The following SLC6A5 variants were observed in gnomAD, a reference collection of about 807,000 sequenced individuals.
SLC6A5 encodes the protein sodium- and chloride-dependent glycine transporter 2.
Under a neutral mutation model 90.5 loss-of-function variants are expected in SLC6A5, and 58 were observed. The ratio of observed to expected loss-of-function variants is 0.64; its 90% confidence interval spans 0.52 to 0.80. The LOEUF is 0.80. Among genes scored for constraint, SLC6A5 ranks in the 30% least tolerant of loss-of-function variants. The pLI, the probability that SLC6A5 is intolerant of heterozygous loss-of-function variation, is 0.00. For missense variants in SLC6A5, 1,015 were observed against 1,017.6 expected, an observed-to-expected ratio of 1.00 and a Z score of 0.03; for synonymous variants, 427 against 401.4, an observed-to-expected ratio of 1.06 and a Z score of -0.76.
At chr11:20,615,249 G>T (rs557751652) in intron 6 of SLC6A5, among the ~76,000 whole-genome samples, 2 of 152,110 alleles carry the variant, frequency 1.3e-5, no homozygotes, top group Admixed American at 6.5e-5. Context: ...CCTTAGTTTT[G>T]TATTTTTTAA....
Position 20,656,566 on chromosome 11 carries a change from C to A in SLC6A5, c.*1698C>A, listed in dbSNP as rs1253688403. The A allele has an allele frequency of 6.6e-6, 1 of 152,162 alleles. No homozygotes were observed. The highest frequency in any genetic ancestry group is 1.5e-5 in the Non-Finnish European group (1 of 68,034). The allele number at this position is 152,162 out of a possible 1,614,324, so 9.4% of individuals were successfully genotyped here. A position where few individuals can be genotyped will look rare whatever the true frequency, so the allele number is the denominator to read the frequency against. On this transcript the variant is annotated 3_prime_UTR_variant, in exon 16 of 16. Transcript: ENST00000525748. ...AAGTCTCAACTCATTTTACTGAGCT[C>A]TCCCTTTTCTAGGGCAAGTATCATC...
At chr11:20,637,082 A>T (rs897544867) in intron 11 of SLC6A5, 90 bp from the exon 12 acceptor site, 1 of 1,373,996 alleles carries the variant, frequency 7.3e-7, no homozygotes, top group South Asian at 1.2e-5. Flanking sequence ...CACAAATACA[A>T]CTTTCCTGGA....
At chr11:20,626,637 C>A (rs950762741) in intron 7 of SLC6A5, 71 bp from the exon 8 acceptor site, 3 of 1,544,216 alleles carry the variant, frequency 1.9e-6, no homozygotes, top group East Asian at 4.5e-5. Context: ...CTTCCCCGAG[C>A]AATGCTCCTT....
intron 7 of SLC6A5, among the ~76,000 whole-genome samples, chr11:20,621,045 C>G (rs1852879579): frequency 6.6e-6 from 1 of 152,042 alleles, no homozygotes. Context: ...TCAGGTGATC[C>G]CCCTACCTTA....
At chr11:20,618,064 T>C (rs1478965928) in intron 7 of SLC6A5, among the ~76,000 whole-genome samples, 180 bp downstream of exon 7, 1 of 152,136 alleles carries the variant, frequency 6.6e-6, no homozygotes, top group South Asian at 2.1e-4. Flanking sequence ...AATAACACCT[T>C]TCTTGCAGGG....
chr11:20,650,977 C>CT (rs1270275383), intron 14 of SLC6A5, among the ~76,000 whole-genome samples: 1 of 151,634 alleles, frequency 6.6e-6, no homozygotes. Flanking sequence ...GACGCCTGTT[C>CT]TTATTGAGTC....
chr11:20,612,296 G>A (rs1852709363), intron 5 of SLC6A5, among the ~76,000 whole-genome samples: 1 of 152,174 alleles, frequency 6.6e-6, no homozygotes, highest in Admixed American at 6.5e-5. Flanking sequence ...TGCCAGCTGT[G>A]TGCCAGGCAT....
chr11:20,651,199 T>TC (rs1853523865), intron 14 of SLC6A5, among the ~76,000 whole-genome samples: 1 of 94,510 alleles, frequency 1.1e-5, no homozygotes, highest in Admixed American at 1.2e-4. Flanking sequence ...GGGTTTCCCC[T>TC]CCCTCCCCTT....
Position 20,655,027 on chromosome 11 carries a change from T to C in SLC6A5, c.*159T>C. 1 of 823,280 alleles carries C rather than the reference T, an allele frequency of 1.2e-6. No individual in the cohort carries two copies. Among genetic ancestry groups the C allele is most frequent in the Non-Finnish European group, 2.1e-6 (1 of 481,154 alleles). 51.0% of individuals were successfully genotyped at this position (823,280 alleles called of 1,614,324 possible). On this transcript the variant is annotated 3_prime_UTR_variant, in exon 16 of 16. Coordinates refer to ENST00000525748, the MANE Select transcript of SLC6A5 (RefSeq NM_004211.5). ...ATTATGTAGAAAAGTAGGCATAGTG[T>C]CGCATGCTGCAGTAAAGAGCTACAT...
At chr11:20,632,489 T>C (rs950530003) in intron 10 of SLC6A5, among the ~76,000 whole-genome samples, 7 of 152,192 alleles carry the variant, frequency 4.6e-5, no homozygotes, top group African/African-American at 1.7e-4. Context: ...CAATGTTTTT[T>C]CACTTCCTTT....
chr11:20,644,619 GT>G (rs1489890681), intron 13 of SLC6A5, among the ~76,000 whole-genome samples: 16 of 152,126 alleles, frequency 1.1e-4, no homozygotes, highest in Admixed American at 1.0e-3. Context: ...GCTATTTTTA[GT>G]TTTCAGAGGA....
chr11:20,643,424 C>T (rs1413107001), intron 13 of SLC6A5, among the ~76,000 whole-genome samples: 1 of 152,176 alleles, frequency 6.6e-6, no homozygotes, highest in Non-Finnish European at 1.5e-5. Flanking sequence ...ATGATTGGGT[C>T]AGCTGCTCAA....
In SLC6A5 at chr11:20,659,143, T is replaced by C. The variant is rs1270685489; in HGVS notation, c.*4275T>C. 1 of 150,816 alleles carries C rather than the reference T, an allele frequency of 6.6e-6. No homozygotes were observed. Among genetic ancestry groups the C allele is most frequent in the Non-Finnish European group, 1.5e-5 (1 of 67,772 alleles). 9.3% of individuals were successfully genotyped at this position (150,816 alleles called of 1,614,324 possible). On this transcript the variant is annotated 3_prime_UTR_variant, in exon 16 of 16. Transcript: ENST00000525748. ...ATTTAAGAAGTCATTCTTGAGGCCCTACCTCAAATTTTCTATTTATGTATA... is the reference window on the plus strand; with the variant it reads ...ATTTAAGAAGTCATTCTTGAGGCCCCACCTCAAATTTTCTATTTATGTATA...
Position 20,601,551 on chromosome 11 carries a change from G to A in SLC6A5, c.426G>A (p.Glu142=). ...ANVSVGKGTL[E]RNNTPVVGWV... ...TGAGTGTGGGCAAGGGCACCCTGGA[G>A]CGGAACAATACCCCTGTTGTGGGCT... Residue 142 remains glutamate, a synonymous_variant, in exon 2 of 16, where the codon GAG becomes GAA. Transcript: ENST00000525748. 3.1e-6 allele frequency: 5 copies of A among 1,614,214 alleles called. No individual in the cohort carries two copies. Among genetic ancestry groups the A allele is most frequent in the Non-Finnish European group, 4.2e-6 (5 of 1,180,018 alleles).
chr11:20,645,230 C>T (rs1853389855), intron 13 of SLC6A5, among the ~76,000 whole-genome samples: 1 of 152,078 alleles, frequency 6.6e-6, no homozygotes, highest in African/African-American at 2.4e-5. Context: ...TCCATCCTTC[C>T]CCACTTCCAA....
chr11:20,631,070 C>T (rs578017444), intron 10 of SLC6A5, among the ~76,000 whole-genome samples: 1 of 152,340 alleles, frequency 6.6e-6, no homozygotes, highest in African/African-American at 2.4e-5. Context: ...TTCCTCTTAC[C>T]TTGCCCCTCT....
intron 7 of SLC6A5, among the ~76,000 whole-genome samples, chr11:20,620,380 T>C (rs563592539): frequency 6.6e-6 from 1 of 152,358 alleles, no homozygotes; most frequent in East Asian, 1.9e-4. Flanking sequence ...CATTTCCTCA[T>C]CTGTAAATAG....
intron 7 of SLC6A5, among the ~76,000 whole-genome samples, chr11:20,618,802 T>G (rs1590164281): frequency 6.6e-6 from 1 of 151,876 alleles, no homozygotes; most frequent in East Asian, 1.9e-4. Context: ...CTGGGCATGG[T>G]GGGGGGCACC....
intron 13 of SLC6A5, among the ~76,000 whole-genome samples, chr11:20,645,556 G>A (rs1437394014): frequency 2.6e-5 from 4 of 151,998 alleles, no homozygotes; most frequent in South Asian, 2.1e-4. Flanking sequence ...CTTGATGGGA[G>A]GAGATGTTGG....
Sources: gnomAD v4.1 joint callset for allele counts (sites outside exome capture counted in the v4.1 genomes callset) on GRCh38, gnomAD v4.1.1 for gene constraint, MANE v1.5 for transcripts, NCBI Gene and HGNC (gene_info 2026-07-23, HGNC 2026-07-21) for gene names.